The following RBPJ variants were observed in gnomAD, a reference collection of about 807,000 sequenced individuals.
RBPJ encodes the protein recombining binding protein suppressor of hairless.
A neutral mutation model predicts 67.8 loss-of-function variants in RBPJ; 9 were observed. The ratio of observed to expected loss-of-function variants is 0.13; its 90% CI spans 0.08 to 0.23. The LOEUF (loss-of-function observed/expected upper bound fraction) is 0.23. Among genes scored for constraint, RBPJ ranks in the 10% least tolerant of loss-of-function variants. The pLI, the probability that RBPJ is intolerant of heterozygous loss-of-function variation, is 1.00. For synonymous variants in RBPJ, 198 were observed against 203.3 expected, an observed-to-expected ratio of 0.97 and a Z score of 0.22; for missense variants, 305 against 595.6, an observed-to-expected ratio of 0.51 and a Z score of 5.08.
chr4:26,313,664 C>T (rs1470226631), intron 1 of RBPJ, among the ~76,000 whole-genome samples: 2 of 150,224 alleles, frequency 1.3e-5, no homozygotes, highest in South Asian at 2.1e-4. Flanking sequence ...AGTAAAACTC[C>T]GTCTCTTAAA....
chr4:26,113,507 G>A, the RBPJ span: 1 of 546,276 alleles, frequency 1.8e-6, no homozygotes, highest in South Asian at 1.6e-5. Flanking sequence ...TAAGCAATGT[G>A]GAAAAACGTT....
intron 1 of RBPJ, among the ~76,000 whole-genome samples, chr4:26,190,654 G>A (rs1022343176): frequency 1.3e-5 from 2 of 152,176 alleles, no homozygotes; most frequent in African/African-American, 4.8e-5. Context: ...AGTCTTCAGC[G>A]AGTTTGAAGA....
chr4:26,431,165 T>C lies in RBPJ; in HGVS notation c.*158T>C. The C allele has an allele frequency of 2.8e-6, 1 of 355,888 alleles. No homozygotes were observed. The highest frequency in any genetic ancestry group is 4.8e-6 in the Non-Finnish European group (1 of 208,116). 22.0% of individuals were successfully genotyped at this position (355,888 alleles called of 1,614,324 possible). ...CGTTGTCTCCCTGCAAGTGCTGATT[T>C]GAAATGCAGAAGCCACAGTAAAAAA... On this transcript the variant is annotated 3_prime_UTR_variant, in exon 11 of 11. Transcript: ENST00000355476.
intron 1 of RBPJ, among the ~76,000 whole-genome samples, chr4:26,360,710 T>C (rs1421854731): frequency 6.6e-6 from 1 of 151,430 alleles, no homozygotes; most frequent in East Asian, 1.9e-4. Context: ...GCCTCCTGAG[T>C]AGCTGGGACT....
At chr4:26,165,613 T>A (rs939019731) in intron 1 of RBPJ, among the ~76,000 whole-genome samples, 17 of 152,290 alleles carry the variant, frequency 1.1e-4, no homozygotes, top group African/African-American at 3.6e-4. Context: ...TCGTTCAAGT[T>A]CTAAGACCAC....
Position 26,386,361 on chromosome 4 carries a change from G to A in RBPJ, c.29G>A (p.Gly10Asp), listed in dbSNP as rs539980485. The change falls in exon 2 of 11, where the codon GGT becomes GAT. Residue 10 changes from glycine to aspartate, a missense_variant. Gly to Asp is a moderately conservative substitution (Grantham distance 94). Around this residue, in one of 7 missense-constraint regions of RBPJ, gnomAD observed 42 missense variants for 43.6 expected, o/e 0.96. Transcript: ENST00000355476. ...TATTTTTTTTTTTCCAGGAAATTTG[G>A]TGAGCGGCCTCCACCTAAACGACTT... MAPVVTGKF[G>D]ERPPPKRLTR... is the part of the protein sequence containing the mutation. The A allele has an allele frequency of 1.9e-6, 3 of 1,598,862 alleles. 1 individual carries two copies. Among genetic ancestry groups the A allele is most frequent in the South Asian group, 2.3e-5 (2 of 88,480 alleles).
At chr4:26,415,761 A>G (rs1734522249) in intron 4 of RBPJ, 121 bp downstream of exon 4, 4 of 981,848 alleles carry the variant, frequency 4.1e-6, no homozygotes, top group Admixed American at 5.7e-5. Flanking sequence ...TTTCTTGAAT[A>G]TATAAACTAG....
At chr4:26,135,116 C>A in the RBPJ span, among the ~76,000 whole-genome samples, 1 of 152,110 alleles carries the variant, frequency 6.6e-6, no homozygotes, top group African/African-American at 2.4e-5. Flanking sequence ...GAATTCTGTA[C>A]CCTGGGGATC....
At chr4:26,335,031 T>C (rs1263942933) in intron 1 of RBPJ, among the ~76,000 whole-genome samples, 1 of 152,210 alleles carries the variant, frequency 6.6e-6, no homozygotes, top group Non-Finnish European at 1.5e-5. Flanking sequence ...AAACAACTTG[T>C]TCTTTTTACC....
At chr4:26,357,517 A>G (rs1727519056) in intron 1 of RBPJ, among the ~76,000 whole-genome samples, 1 of 152,226 alleles carries the variant, frequency 6.6e-6, no homozygotes, top group African/African-American at 2.4e-5. Flanking sequence ...AAAGTAAGTT[A>G]CTATCCACTA....
intron 1 of RBPJ, among the ~76,000 whole-genome samples, chr4:26,270,437 G>GAAAGAAAGAAGAAAGA (rs757127437): frequency 3.3e-5 from 1 of 30,198 alleles, no homozygotes; most frequent in African/African-American, 7.0e-5. Context: ...AAGAAAGAAA[G>GAAAGAAAGAAGAAAGA]AAGAAAGAAA....
At chr4:26,382,259 T>G (rs1471079689) in intron 1 of RBPJ, among the ~76,000 whole-genome samples, 1 of 152,228 alleles carries the variant, frequency 6.6e-6, no homozygotes, top group African/African-American at 2.4e-5. Flanking sequence ...GTATAATCAG[T>G]TATTGATTTA....
intron 1 of RBPJ, among the ~76,000 whole-genome samples, chr4:26,329,825 C>T (rs1350419660): frequency 5.3e-5 from 8 of 151,120 alleles, no homozygotes; most frequent in African/African-American, 1.7e-4. Flanking sequence ...ACCCGGGAGG[C>T]GGAGCGTGCA....
intron 1 of RBPJ, among the ~76,000 whole-genome samples, chr4:26,382,777 G>A (rs537247835): frequency 5.3e-5 from 8 of 152,276 alleles, no homozygotes; most frequent in African/African-American, 1.4e-4. Flanking sequence ...CTGTGCTCAC[G>A]CAGTCCACCC....
chr4:26,120,196 A>G, the RBPJ span, among the ~76,000 whole-genome samples: 1 of 152,228 alleles, frequency 6.6e-6, no homozygotes. Flanking sequence ...CTCAAAAGCA[A>G]CAACAAAAGC....
chr4:26,344,045 C>T (rs1459892131), intron 1 of RBPJ, among the ~76,000 whole-genome samples: 1 of 151,788 alleles, frequency 6.6e-6, no homozygotes, highest in South Asian at 2.1e-4. Flanking sequence ...GCCACTGCCC[C>T]CAGCCTGTAC....
intron 1 of RBPJ, among the ~76,000 whole-genome samples, chr4:26,210,798 T>C (rs1055433067): frequency 6.7e-5 from 10 of 149,358 alleles, no homozygotes; most frequent in Non-Finnish European, 1.2e-4. Flanking sequence ...TTTCTTTCTT[T>C]CTTTCTTTCT....
intron 1 of RBPJ, among the ~76,000 whole-genome samples, chr4:26,199,517 C>G: frequency 6.6e-6 from 1 of 152,176 alleles, no homozygotes; most frequent in Non-Finnish European, 1.5e-5. Context: ...AGGACAACGC[C>G]TCTGTGGGGC....
rs552049099 is a variant in RBPJ at position 26,313,665 on chromosome 4, G to A, written c.-166-48781G>A. ...AGCCTGGGTGACAGAGTAAAACTCC[G>A]TCTCTTAAAAAAAAAAAAAAATTAG... On this transcript the variant is annotated intron_variant, in intron 1 of 4. Coordinates refer to the RBPJ transcript ENST00000512351. Among the ~76,000 whole-genome samples the A allele has an allele frequency of 2.1e-4, 31 of 149,980 alleles. No individual in the cohort carries two copies. The South Asian group carries it at 5.9e-3, about 29-fold the overall frequency.
Sources: allele counts gnomAD v4.1 joint callset (sites outside exome capture counted in the v4.1 genomes callset), GRCh38; gene constraint gnomAD v4.1.1; regional missense constraint gnomAD v4.1.1; transcripts MANE v1.5; gene names NCBI Gene and HGNC (gene_info 2026-07-23, HGNC 2026-07-21).